The following DEPTOR variants were observed in gnomAD, a reference collection of about 807,000 sequenced individuals.
DEPTOR encodes DEP domain-containing mTOR-interacting protein.
Under a neutral mutation model 41.6 loss-of-function variants are expected in DEPTOR, and 41 were observed. That is an observed-to-expected ratio of 0.98 (90% CI 0.77 to 1.28). The LOEUF (loss-of-function observed/expected upper bound fraction) is 1.28, where lower values mean the gene tolerates loss of function less well. Ranked by LOEUF, DEPTOR falls within the 50% of genes most tolerant of loss-of-function variation. DEPTOR has a pLI of 0.00. For missense variants in DEPTOR, 514 were observed against 527.9 expected, an observed-to-expected ratio of 0.97 and a Z score of 0.26; for synonymous variants, 195 against 192.3, an observed-to-expected ratio of 1.01 and a Z score of -0.12.
chr8:119,959,454 C>T (rs918699052), intron 3 of DEPTOR, among the ~76,000 whole-genome samples: 1 of 152,000 alleles, frequency 6.6e-6, no homozygotes, highest in Non-Finnish European at 1.5e-5. Flanking sequence ...AGCCACTGCG[C>T]CCGGCCACCT....
intron 1 of DEPTOR, among the ~76,000 whole-genome samples, chr8:119,905,785 G>A (rs1376680424): frequency 1.3e-5 from 2 of 151,972 alleles, no homozygotes; most frequent in Non-Finnish European, 2.9e-5. Context: ...TTGGACTACA[G>A]GAACATGTCA....
At chr8:120,005,222 C>A (rs1812414828) in intron 6 of DEPTOR, among the ~76,000 whole-genome samples, 1 of 152,190 alleles carries the variant, frequency 6.6e-6, no homozygotes, top group Non-Finnish European at 1.5e-5. Flanking sequence ...TCTCAGTCCT[C>A]AAATACTGAC....
At chr8:120,046,080 A>C (rs1813148938) in intron 8 of DEPTOR, among the ~76,000 whole-genome samples, 1 of 152,058 alleles carries the variant, frequency 6.6e-6, no homozygotes, top group South Asian at 2.1e-4. Flanking sequence ...TCCCTTCTAG[A>C]CAGAAGGGAG....
intron 1 of DEPTOR, among the ~76,000 whole-genome samples, chr8:119,880,020 T>C (rs2129670465): frequency 6.6e-6 from 1 of 151,522 alleles, no homozygotes; most frequent in South Asian, 2.1e-4. Context: ...CAGGCACCTA[T>C]AGTCCCAGCT....
intron 3 of DEPTOR, among the ~76,000 whole-genome samples, chr8:119,958,350 T>G (rs1828445295): frequency 6.6e-6 from 1 of 152,148 alleles, no homozygotes. Flanking sequence ...CATGGTGATT[T>G]CAGGAGGGCA....
intron 4 of DEPTOR, among the ~76,000 whole-genome samples, chr8:120,000,141 A>G (rs1407228148): frequency 6.6e-6 from 1 of 152,182 alleles, no homozygotes; most frequent in Non-Finnish European, 1.5e-5. Flanking sequence ...TAACAGCTTT[A>G]TGAAGATATA....
At chr8:119,974,490 G>A (rs776917191) in intron 4 of DEPTOR, among the ~76,000 whole-genome samples, 58 of 151,746 alleles carry the variant, frequency 3.8e-4, no homozygotes, top group Non-Finnish European at 7.5e-4. Context: ...GAGTAGTTCA[G>A]GCCAGGCGTG....
chr8:119,881,772 A>G (rs996959417), intron 1 of DEPTOR, among the ~76,000 whole-genome samples: 1 of 152,184 alleles, frequency 6.6e-6, no homozygotes, highest in African/African-American at 2.4e-5. Flanking sequence ...GAGTCAGTAA[A>G]TTACTGCCTA....
At chr8:120,022,968 C>T (rs115614876) in intron 8 of DEPTOR, among the ~76,000 whole-genome samples, 121 of 152,266 alleles carry the variant, frequency 7.9e-4, no homozygotes, top group African/African-American at 1.9e-3. Flanking sequence ...ATGACAGTAT[C>T]GGTCAGTTAG....
At chr8:119,904,495 ATATT>A (rs1322434653) in intron 1 of DEPTOR, among the ~76,000 whole-genome samples, 1 of 151,768 alleles carries the variant, frequency 6.6e-6, no homozygotes, top group Non-Finnish European at 1.5e-5. Context: ...CTTTATTTTT[ATATT>A]TATTTATTTT....
intron 8 of DEPTOR, among the ~76,000 whole-genome samples, chr8:120,032,621 G>T (rs1301891901): frequency 6.6e-6 from 1 of 152,206 alleles, no homozygotes; most frequent in Non-Finnish European, 1.5e-5. Context: ...TGAGTCCACT[G>T]TTGGTCAGTA....
At chr8:119,940,493 C>T in intron 3 of DEPTOR, among the ~76,000 whole-genome samples, 1 of 152,188 alleles carries the variant, frequency 6.6e-6, no homozygotes, top group East Asian at 1.9e-4. Context: ...CGCCTGTCAT[C>T]CCAGCACTTT....
intron 1 of DEPTOR, among the ~76,000 whole-genome samples, chr8:119,910,160 G>C (rs1180491042): frequency 6.6e-6 from 1 of 152,160 alleles, no homozygotes; most frequent in East Asian, 1.9e-4. Context: ...GGGCTACATT[G>C]GGAAACAGGT....
chr8:120,034,435 T>TC (rs1812943058), intron 8 of DEPTOR, among the ~76,000 whole-genome samples: 1 of 139,314 alleles, frequency 7.2e-6, no homozygotes, highest in East Asian at 2.1e-4. Flanking sequence ...TTCTTTTTTT[T>TC]CCTTTTTCTT....
chr8:119,911,234 A>T (rs1005082443), intron 1 of DEPTOR, among the ~76,000 whole-genome samples: 2 of 149,434 alleles, frequency 1.3e-5, no homozygotes, highest in Non-Finnish European at 3.0e-5. Flanking sequence ...CCTGAGCTAC[A>T]CCTATCCAGA....
At chr8:119,927,201 C>T (rs1234943445) in intron 1 of DEPTOR, among the ~76,000 whole-genome samples, 1 of 152,090 alleles carries the variant, frequency 6.6e-6, no homozygotes, top group East Asian at 1.9e-4. Flanking sequence ...GTACAGAGCT[C>T]TGGCCGTTTA....
At chr8:119,902,449 C>T (rs1827607329) in intron 1 of DEPTOR, among the ~76,000 whole-genome samples, 3 of 152,116 alleles carry the variant, frequency 2.0e-5, no homozygotes, top group South Asian at 2.1e-4. Context: ...AAGCGATTCT[C>T]CTGTCTCAGC....
At chr8:119,925,215 C>G (rs563593804) in intron 1 of DEPTOR, among the ~76,000 whole-genome samples, 2 of 152,146 alleles carry the variant, frequency 1.3e-5, no homozygotes, top group African/African-American at 4.8e-5. Context: ...CATGGTGAAA[C>G]CCCGTCTCTA....
At chr8:119,919,427 A>G (rs1827863116) in intron 1 of DEPTOR, among the ~76,000 whole-genome samples, 1 of 152,190 alleles carries the variant, frequency 6.6e-6, no homozygotes, top group African/African-American at 2.4e-5. Context: ...GAGACTTTTA[A>G]TTTCATTTTT....
Sources: gnomAD v4.1 joint callset for allele counts (sites outside exome capture counted in the v4.1 genomes callset) on GRCh38, gnomAD v4.1.1 for gene constraint, MANE v1.5 for transcripts, NCBI Gene and HGNC (gene_info 2026-07-23, HGNC 2026-07-21) for gene names.